PLOD2: variants seen among roughly 807,000 people sequenced by gnomAD.
PLOD2 encodes the protein lysine hydroxylase 2.
Under a neutral mutation model 101.0 loss-of-function variants are expected in PLOD2, and 65 were observed. The ratio of observed to expected loss-of-function variants is 0.64; its 90% confidence interval spans 0.53 to 0.79. PLOD2 has a LOEUF of 0.79. Among genes scored for constraint, PLOD2 ranks in the 30% least tolerant of loss-of-function variants. The pLI is 0.00. For synonymous variants in PLOD2, 314 were observed against 302.9 expected (o/e 1.04, Z -0.38); for missense variants, 909 against 914.6 (o/e 0.99, Z 0.08).
chr3:146,123,365 T>A (rs1288369989), intron 2 of PLOD2: 6 of 697,112 alleles, frequency 8.6e-6, no homozygotes, highest in Non-Finnish European at 9.8e-6. Flanking sequence ...ATGGCAGGCC[T>A]CTCATAGCTG....
chr3:146,126,743 A>G (rs182103664), intron 1 of PLOD2, among the ~76,000 whole-genome samples: 99 of 152,340 alleles, frequency 6.5e-4, no homozygotes, highest in Non-Finnish European at 1.0e-3. Context: ...TGAGAAAATT[A>G]GAGAAATTTG....
Position 146,106,572 on chromosome 3 carries a change from T to C in PLOD2, c.575A>G (p.Gln192Arg), listed in dbSNP as rs1262761469. The C allele has an allele frequency of 1.3e-6, 2 of 1,592,488 alleles. No individual in the cohort carries two copies. The highest frequency in any genetic ancestry group is 1.7e-6 in the Non-Finnish European group (2 of 1,160,380). ...QWNLQDNDDD[Q>R]LFYTKVYIDP... The stretch of plus-strand genomic sequence containing the variant: ...AATGTAAACTTTAGTGTAAAAGAGC[T>C]GATCATCATCATTATCCTGGAGATT... Residue 192 changes from glutamine to arginine, a missense_variant, in exon 5 of 20, where the codon CAG becomes CGG. Physicochemically the swap from Gln to Arg is conservative, Grantham distance 43. Coordinates refer to ENST00000282903, the MANE Select transcript of PLOD2 (RefSeq NM_182943.3).
intron 9 of PLOD2, 107 bp downstream of exon 9, chr3:146,088,479 C>T (rs1936860959): frequency 2.6e-6 from 2 of 779,252 alleles, no homozygotes; most frequent in Non-Finnish European, 4.2e-6. Context: ...TCCAAAAATC[C>T]TCCACTGAAC....
At chr3:146,097,700 C>G (rs1463771355) in intron 7 of PLOD2, among the ~76,000 whole-genome samples, 1 of 129,098 alleles carries the variant, frequency 7.7e-6, no homozygotes. Flanking sequence ...AAACCAGAGA[C>G]CTTTGTTCAC....
intron 7 of PLOD2, among the ~76,000 whole-genome samples, chr3:146,100,311 C>G (rs576505216): frequency 6.6e-6 from 1 of 152,124 alleles, no homozygotes; most frequent in Non-Finnish European, 1.5e-5. Flanking sequence ...GCGTAGTATT[C>G]GCTACACATG....
At chr3:146,114,149 A>G (rs1234930711) in intron 3 of PLOD2, among the ~76,000 whole-genome samples, 1 of 152,132 alleles carries the variant, frequency 6.6e-6, no homozygotes, top group East Asian at 1.9e-4. Context: ...GACGTTATCA[A>G]TGACAATGCA....
chr3:146,128,280 C>T (rs1181034363), intron 1 of PLOD2, among the ~76,000 whole-genome samples: 1 of 152,078 alleles, frequency 6.6e-6, no homozygotes, highest in African/African-American at 2.4e-5. Context: ...ACAGCAAAAG[C>T]TATCTCATTT....
intron 3 of PLOD2, among the ~76,000 whole-genome samples, chr3:146,113,128 T>C (rs970039768): frequency 2.0e-5 from 3 of 152,192 alleles, no homozygotes; most frequent in African/African-American, 4.8e-5. Context: ...AAAAGAGTTA[T>C]GGCAACTTTT....
chr3:146,136,960 A>C (rs949663293), intron 1 of PLOD2, among the ~76,000 whole-genome samples: 1 of 152,220 alleles, frequency 6.6e-6, no homozygotes, highest in Admixed American at 6.5e-5. Flanking sequence ...AAAACTGGAA[A>C]TCTGAAACAC....
chr3:146,088,021 G>A (rs576602534), intron 9 of PLOD2, among the ~76,000 whole-genome samples: 1 of 151,840 alleles, frequency 6.6e-6, no homozygotes, highest in East Asian at 1.9e-4. Context: ...AGTGGTTTTA[G>A]TAGACAAGAA....
intron 1 of PLOD2, among the ~76,000 whole-genome samples, chr3:146,156,109 T>C (rs1025034767): frequency 2.0e-5 from 3 of 152,178 alleles, no homozygotes; most frequent in African/African-American, 7.2e-5. Flanking sequence ...TCAAGTGCTG[T>C]GTTTAAAAAG....
At chr3:146,071,212 C>T in intron 18 of PLOD2, 45 bp from the exon 19 acceptor site, 1 of 1,610,598 alleles carries the variant, frequency 6.2e-7, no homozygotes, top group Non-Finnish European at 8.5e-7. Context: ...TTAATAAAAA[C>T]ATTAAAAAGA....
intron 3 of PLOD2, among the ~76,000 whole-genome samples, chr3:146,116,492 T>C (rs1937916722): frequency 6.6e-6 from 1 of 152,168 alleles, no homozygotes; most frequent in African/African-American, 2.4e-5. Flanking sequence ...ATTTTTGTTG[T>C]GCTGTTGGAA....
intron 7 of PLOD2, 91 bp downstream of exon 7, chr3:146,102,664 G>T: frequency 1.4e-6 from 1 of 717,732 alleles, no homozygotes; most frequent in South Asian, 1.6e-5. Flanking sequence ...GTCTTTGAAA[G>T]AAATTTTTAA....
In PLOD2 at chr3:146,126,334, GA is replaced by G. The variant is rs1229711017; in HGVS notation, c.110-2106del. 3.7e-5 allele frequency among the ~76,000 whole-genome samples: 5 copies of G among 135,722 alleles called. No homozygotes were observed. The East Asian group carries it at 1.1e-3, about 30-fold the overall frequency. 89.0% of individuals were successfully genotyped at this position (135,722 alleles called of 152,430 possible). A position where few individuals can be genotyped will look rare whatever the true frequency, so the allele number is the denominator to read the frequency against. Reference sequence around the variant, plus strand: ...CTATTCAGTATCATGACTATGATAAGAAAAAAATCTTAGTTGGAGAAAAAAA... The same window carrying G: ...CTATTCAGTATCATGACTATGATAAGAAAAAATCTTAGTTGGAGAAAAAAA... On this transcript the variant is annotated intron_variant, in intron 1 of 19. Transcript: ENST00000282903.
intron 1 of PLOD2, among the ~76,000 whole-genome samples, chr3:146,130,242 G>C (rs571933690): frequency 6.6e-6 from 1 of 152,214 alleles, no homozygotes; most frequent in South Asian, 2.1e-4. Flanking sequence ...CCACTGCCTA[G>C]GTAAACCTGA....
intron 1 of PLOD2, among the ~76,000 whole-genome samples, chr3:146,137,309 G>A (rs1033964103): frequency 8.5e-5 from 13 of 152,106 alleles, no homozygotes; most frequent in African/African-American, 2.9e-4. Flanking sequence ...CTCCTAAGAC[G>A]TAATGACCTC....
Position 146,072,565 on chromosome 3 carries a change from T to G in PLOD2, c.1844A>C (p.His615Pro). 6.3e-7 allele frequency: 1 copy of G among 1,588,834 alleles called. No homozygotes were observed. The highest frequency in any genetic ancestry group is 1.7e-5 in the Admixed American group (1 of 59,696). ...EHYGKWSGGK[H>P]HDSRISGGYE... ...TAGTGTGAAATTACAACTTACATGA[T>G]GTTTTCCCCCAGACCATTTGCCGTA... Residue 615 changes from histidine (H) to proline (P), a missense_variant, in exon 17 of 20, where the codon CAT (histidine) becomes CCT (proline). Transcript: ENST00000282903.
intron 1 of PLOD2, among the ~76,000 whole-genome samples, chr3:146,155,960 G>T (rs13095083): frequency 1.3e-5 from 2 of 152,014 alleles, no homozygotes; most frequent in Non-Finnish European, 1.5e-5. Flanking sequence ...TCATAACCAG[G>T]TTTCTAGAAC....
Sources: allele counts gnomAD v4.1 joint callset (sites outside exome capture counted in the v4.1 genomes callset), GRCh38; gene constraint gnomAD v4.1.1; transcripts MANE v1.5; gene names NCBI Gene and HGNC (gene_info 2026-07-23, HGNC 2026-07-21).